The following CKM variants were observed in gnomAD, a reference collection of about 807,000 sequenced individuals.
CKM encodes creatine kinase M-type.
A neutral mutation model predicts 35.4 loss-of-function variants in CKM; 28 were observed. The ratio of observed to expected loss-of-function variants is 0.79; its 90% CI spans 0.59 to 1.08. The LOEUF is 1.08. Among genes scored for constraint, CKM ranks in the 50% least tolerant of loss-of-function variants. CKM has a pLI of 0.00. For synonymous variants in CKM, 215 were observed against 204.4 expected (o/e 1.05, Z -0.44); for missense variants, 484 against 509.8 (o/e 0.95, Z 0.49).
intron 4 of CKM, among the ~76,000 whole-genome samples, chr19:45,312,925 GC>G (rs1344097899): frequency 6.7e-6 from 1 of 148,632 alleles, no homozygotes; most frequent in African/African-American, 2.5e-5. Context: ...CTGCACTCCA[GC>G]CTGGGTGACA....
At chr19:45,308,880 C>T (rs17875624) in intron 5 of CKM, among the ~76,000 whole-genome samples, 9 of 152,080 alleles carry the variant, frequency 5.9e-5, no homozygotes, top group Non-Finnish European at 1.0e-4. Context: ...AAAATCTTCC[C>T]ATCGTAGTGT....
Position 45,306,424 on chromosome 19 carries a change from A to G in CKM, c.*326T>C, listed in dbSNP as rs990899367. The G allele has an allele frequency of 2.4e-5, 10 of 409,662 alleles. No individual in the cohort carries two copies. Among genetic ancestry groups the G allele is most frequent in the Non-Finnish European group, 4.1e-5 (9 of 219,036 alleles). 25.4% of individuals were successfully genotyped at this position (409,662 alleles called of 1,614,324 possible). On this transcript the variant is annotated 3_prime_UTR_variant, in exon 8 of 8. Coordinates refer to ENST00000221476, the MANE Select transcript of CKM (RefSeq NM_001824.5). The surrounding 1 kb of genome is among the most constrained non-coding windows in gnomAD (Gnocchi z 4.5). ...CTATCGCACAAAGCTAAGGCCACCAATGCTTTTATTTATCGCTTTGCGTGG... is the reference window on the plus strand; with the variant it reads ...CTATCGCACAAAGCTAAGGCCACCAGTGCTTTTATTTATCGCTTTGCGTGG...
chr19:45,309,974 G>T (rs1442849291), intron 5 of CKM, among the ~76,000 whole-genome samples: 1 of 152,032 alleles, frequency 6.6e-6, no homozygotes, highest in Non-Finnish European at 1.5e-5. Flanking sequence ...TCCCTTCATC[G>T]ATTGAAACCT....
intron 4 of CKM, among the ~76,000 whole-genome samples, chr19:45,314,789 G>A (rs1971141458): frequency 6.6e-6 from 1 of 151,918 alleles, no homozygotes; most frequent in African/African-American, 2.4e-5. Context: ...ACGATTCACT[G>A]CAGCCTCAAC....
At chr19:45,312,304 T>C (rs1282626099) in intron 4 of CKM, among the ~76,000 whole-genome samples, 1 of 152,074 alleles carries the variant, frequency 6.6e-6, no homozygotes, top group Non-Finnish European at 1.5e-5. Flanking sequence ...TAAAGTAGAA[T>C]GGTAGCCAGG....
chr19:45,306,787 C>T lies in CKM; in HGVS notation c.1109G>A (p.Gly370Asp). The T allele has an allele frequency of 6.2e-7, 1 of 1,614,184 alleles. No homozygotes were observed. The highest frequency in any genetic ancestry group is 8.5e-7 in the Non-Finnish European group (1 of 1,180,030). Residue 370 changes from glycine to aspartate, a missense_variant, in exon 8 of 8, where the codon GGC becomes GAC. Coordinates refer to ENST00000221476, the MANE Select transcript of CKM (RefSeq NM_001824.5). The surrounding 1 kb of genome is among the most constrained non-coding windows in gnomAD (Gnocchi z 4.5). ...MVEMEKKLEK[G>D]QSIDDMIPAQ... is the part of the protein sequence containing the mutation. ...GGGGATCATGTCGTCAATGGACTGG[C>T]CTTTCTCCAACTTCTTCTCCATTTC...
At chr19:45,318,026 G>A in intron 2 of CKM, 47 bp from the exon 3 acceptor site, 1 of 1,589,946 alleles carries the variant, frequency 6.3e-7, no homozygotes, top group Non-Finnish European at 8.6e-7. Flanking sequence ...CCAGCAAACA[G>A]GGCGTGGGCT....
chr19:45,318,424 A>G (rs78043494), intron 2 of CKM, among the ~76,000 whole-genome samples: 3 of 151,318 alleles, frequency 2.0e-5, no homozygotes, highest in East Asian at 1.9e-4. Flanking sequence ...AAAAAAAAAA[A>G]AGAGAGAACA....
At chr19:45,318,805 C>G (rs185191864) in intron 2 of CKM, among the ~76,000 whole-genome samples, 1 of 151,906 alleles carries the variant, frequency 6.6e-6, no homozygotes, top group Non-Finnish European at 1.5e-5. Context: ...CAGCTCTCTT[C>G]GCCTTGCAAT....
intron 4 of CKM, among the ~76,000 whole-genome samples, chr19:45,313,184 C>A (rs2123137413): frequency 6.6e-6 from 1 of 152,168 alleles, no homozygotes; most frequent in South Asian, 2.1e-4. Flanking sequence ...TCTATTGGAG[C>A]CATTTTTCCT....
intron 5 of CKM, among the ~76,000 whole-genome samples, chr19:45,308,903 T>C (rs543579848): frequency 5.3e-5 from 8 of 152,150 alleles, no homozygotes; most frequent in Non-Finnish European, 1.0e-4. Flanking sequence ...TAGCTCCCAA[T>C]CCTAGCATCT....
chr19:45,306,842 G>A lies in CKM; in HGVS notation c.1054C>T (p.Leu352=), dbSNP rs762699099. ...ATGAGCTTCACACCATCCACCACCA[G>A]CTGCACCTGTTCTACTTCGGACGAG... ...LGSSEVEQVQ[L]VVDGVKLMVE... The change falls in exon 8 of 8, where the codon CTG becomes TTG. Residue 352 remains leucine, a synonymous_variant. Transcript: ENST00000221476. This position sits in a 1 kb window ranked among gnomAD's most constrained non-coding sequence, Gnocchi z 4.5. The A allele has an allele frequency of 8.7e-6, 14 of 1,614,062 alleles. No homozygotes were observed. The highest frequency in any genetic ancestry group is 1.2e-5 in the Non-Finnish European group (14 of 1,180,032).
intron 2 of CKM, 82 bp downstream of exon 2, chr19:45,319,439 C>T: frequency 1.9e-6 from 2 of 1,071,584 alleles, no homozygotes; most frequent in South Asian, 2.6e-5. Context: ...CCCCCCCCTT[C>T]AAGGGTGGTG....
intron 6 of CKM, 124 bp downstream of exon 6, chr19:45,308,285 G>T (rs889991095): frequency 8.4e-4 from 1,029 of 1,230,902 alleles, no homozygotes; most frequent in Admixed American, 1.1e-3. Flanking sequence ...AGCCAGGTCC[G>T]GGGGGCAGGG....
intron 5 of CKM, 50 bp downstream of exon 5, chr19:45,311,699 C>A: frequency 6.7e-7 from 1 of 1,492,950 alleles, no homozygotes; most frequent in Non-Finnish European, 9.0e-7. Context: ...CGTTGCAGGA[C>A]TGGAGGAGGC....
intron 5 of CKM, among the ~76,000 whole-genome samples, chr19:45,309,654 G>C (rs1377141503): frequency 6.6e-6 from 1 of 151,830 alleles, no homozygotes; most frequent in Non-Finnish European, 1.5e-5. Context: ...TTAAGGTGAA[G>C]AGTTCGAGAC....
At position 45,308,412 on chromosome 19, in the gene CKM, C is replaced by T. The variant is rs1971075835; in HGVS notation, c.774G>A (p.Gln258=). Residue 258 remains glutamine (Q), a synonymous_variant, in exon 6 of 8, where the codon CAG becomes CAA. Coordinates refer to ENST00000221476, the MANE Select transcript of CKM (RefSeq NM_001824.5). ...GCAGCTAAGGGCAGACACCCACCTT[C>T]TGCAGCCCTACGCAGAAGCGGCGGA... is the stretch of plus-strand genomic sequence containing the variant. The part of the protein sequence containing the change: ...EVFRRFCVGL[Q]KIEEIFKKAG... 9 of 1,614,194 alleles carry T rather than the reference C, an allele frequency of 5.6e-6. No individual in the cohort carries two copies. Among genetic ancestry groups the T allele is most frequent in the South Asian group, 1.1e-5 (1 of 91,088 alleles).
chr19:45,315,511 G>T lies in CKM; in HGVS notation c.435C>A (p.His145Gln). The T allele has an allele frequency of 6.2e-7, 1 of 1,600,844 alleles. No homozygotes were observed. The highest frequency in any genetic ancestry group is 8.5e-7 in the Non-Finnish European group (1 of 1,179,912). The change falls in exon 4 of 8, where the codon CAC (histidine) becomes CAA (glutamine). Residue 145 changes from histidine to glutamine, a missense_variant. By Grantham distance (24) the His-to-Gln change is conservative. Coordinates refer to ENST00000221476, the MANE Select transcript of CKM (RefSeq NM_001824.5). ...RSIKGYTLPP[H>Q]CSRGERRAVE... ...CCGCCCGGCGCTCGCCACGGGAGCA[G>T]TGTGGGGGCAACGTGTAGCCCTTGA...
chr19:45,315,868 G>C (rs1275111449), intron 3 of CKM, among the ~76,000 whole-genome samples: 2 of 43,640 alleles, frequency 4.6e-5, no homozygotes, highest in Admixed American at 1.6e-4. Context: ...CTTCGAGACA[G>C]GGTCTCTCTC....
Sources: allele counts gnomAD v4.1 joint callset (sites outside exome capture counted in the v4.1 genomes callset), GRCh38; gene constraint gnomAD v4.1.1; non-coding constraint Gnocchi (gnomAD v3.1); transcripts MANE v1.5; gene names NCBI Gene and HGNC (gene_info 2026-07-23, HGNC 2026-07-21).